Variants in PAX6 observed in about 807,000 individuals in gnomAD.
PAX6 encodes paired box 6, also known as paired box protein Pax-6.
PAX6 carries 7 observed loss-of-function variants against 60.7 expected under a neutral mutation model. The ratio of observed to expected loss-of-function variants is 0.12; its 90% confidence interval spans 0.07 to 0.22. The LOEUF (loss-of-function observed/expected upper bound fraction) is 0.22, where lower values mean the gene tolerates loss of function less well. Ranked by LOEUF, PAX6 falls within the 10% of genes least tolerant of loss-of-function variation. PAX6 has a pLI of 1.00. For missense variants in PAX6, 355 were observed against 555.2 expected (o/e 0.64, Z 3.62); for synonymous variants, 208 against 201.2 (o/e 1.03, Z -0.29).
intron 10 of PAX6, 87 bp downstream of exon 10, chr11:31,793,945 A>G (rs747016220): frequency 8.0e-6 from 10 of 1,250,014 alleles, no homozygotes; most frequent in Non-Finnish European, 1.2e-5. Context: ...TCCTATAAAT[A>G]AATAGTACTC....
intron 8 of PAX6, 27 bp downstream of exon 8, chr11:31,800,664 C>G (rs1953436151): frequency 6.2e-7 from 1 of 1,613,454 alleles, no homozygotes; most frequent in East Asian, 2.2e-5. Flanking sequence ...ATATGGAGAG[C>G]TGCGTGGATG....
In PAX6 at chr11:31,811,034, T is replaced by C; in HGVS notation, c.-316-19A>G. ...CAGATTCCTGGGAAGGAGACAGAGATTGACAATAAAATGGGCTGTCAGCGG... is the reference window on the plus strand; with the variant it reads ...CAGATTCCTGGGAAGGAGACAGAGACTGACAATAAAATGGGCTGTCAGCGG... On this transcript the variant is annotated intron_variant, in intron 1 of 13. Transcript: ENST00000640368. The C allele has an allele frequency of 5.0e-6, 2 of 399,276 alleles. No homozygotes were observed. The highest frequency in any genetic ancestry group is 8.8e-6 in the Non-Finnish European group (2 of 226,164). 24.7% of individuals were successfully genotyped at this position (399,276 alleles called of 1,614,324 possible). A position where few individuals can be genotyped will look rare whatever the true frequency, so the allele number is the denominator to read the frequency against.
intron 7 of PAX6, 100 bp downstream of exon 7, chr11:31,801,461 A>G: frequency 6.3e-7 from 1 of 1,595,224 alleles, no homozygotes; most frequent in South Asian, 1.1e-5. Context: ...CAGGGAGAGG[A>G]CACAGACTAA....
At chr11:31,808,501 T>G (rs1289738569) in intron 2 of PAX6, 1 of 152,238 alleles carries the variant, frequency 6.6e-6, no homozygotes, top group African/African-American at 2.4e-5. Context: ...ACCCTGAAGC[T>G]GCAAAGGAGT....
chr11:31,801,146 C>T lies in PAX6; in HGVS notation c.400-290G>A, dbSNP rs542640871. ...TGCTTTGCTTTGTTAAAAGACTGCC[C>T]GAAAATAAAAACTATTTAGACTTGT... On this transcript the variant is annotated intron_variant, in intron 7 of 13. Transcript: ENST00000640368. 2.3e-5 allele frequency: 25 copies of T among 1,084,350 alleles called. 1 individual carries two copies. The East Asian group carries it at 5.5e-4, about 24-fold the overall frequency. The allele number at this position is 1,084,350 out of a possible 1,614,324, so 67.2% of individuals were successfully genotyped here. A position where few individuals can be genotyped will look rare whatever the true frequency, so the allele number is the denominator to read the frequency against.
At position 31,790,119 on chromosome 11, in the gene PAX6, A is replaced by AAAC. The variant is rs1554982404; in HGVS notation, c.1226-101_1226-100insGTT. The AAAC allele has an allele frequency of 8.3e-5, 64 of 771,952 alleles. No individual in the cohort carries two copies. The African/African-American group carries it at 1.0e-3, about 12-fold the overall frequency. The allele number at this position is 771,952 out of a possible 1,614,324, so 47.8% of individuals were successfully genotyped here. A position where few individuals can be genotyped will look rare whatever the true frequency, so the allele number is the denominator to read the frequency against. On this transcript the variant is annotated intron_variant, in intron 13 of 13. Transcript: ENST00000640368. Reference sequence around the variant, plus strand: ...TTACAAAAAAAAAAAAAAAAAAAAAAACTAATACTTTCTAACATTTTTTAC... The same window carrying AAAC: ...TTACAAAAAAAAAAAAAAAAAAAAAAAACACTAATACTTTCTAACATTTTTTAC...
In PAX6 at chr11:31,790,725, C is replaced by T. The variant is rs1434265399; in HGVS notation, c.1210G>A (p.Gly404Ser). Residue 404 changes from glycine to serine, a missense_variant, in exon 13 of 14, where the codon GGC becomes AGC. By Grantham distance (56) the Gly-to-Ser change is moderately conservative (BLOSUM62 0). Around this residue, in one of 5 missense-constraint regions of PAX6, gnomAD observed 149 missense variants for 191.9 expected, o/e 0.78. Coordinates refer to ENST00000640368, the MANE Select transcript of PAX6 (RefSeq NM_001368894.2). ...AGTGGCTCACCTGTTGAAGTGGTGCCCGAGGTGCCCATTGGCTGACTGTTC... is the reference window on the plus strand; with the variant it reads ...AGTGGCTCACCTGTTGAAGTGGTGCTCGAGGTGCCCATTGGCTGACTGTTC... ...HMNSQPMGTS[G>S]TTSTGLISPG... 1 of 1,613,972 alleles carries T rather than the reference C, an allele frequency of 6.2e-7. No homozygotes were observed. The highest frequency in any genetic ancestry group is 8.5e-7 in the Non-Finnish European group (1 of 1,179,998).
At chr11:31,792,544 C>A (rs1950255998) in intron 12 of PAX6, 1 of 152,554 alleles carries the variant, frequency 6.6e-6, no homozygotes, top group Admixed American at 6.5e-5. Context: ...ATCGTACCAT[C>A]TAATATCTCT....
intron 1 of PAX6, among the ~76,000 whole-genome samples, chr11:31,816,919 A>C (rs531593169): frequency 1.3e-5 from 2 of 152,344 alleles, no homozygotes; most frequent in South Asian, 4.1e-4. Flanking sequence ...AGCTGCTTTT[A>C]GGGCCGGGCT....
chr11:31,796,049 G>T (rs185870535), intron 8 of PAX6, among the ~76,000 whole-genome samples: 2 of 152,374 alleles, frequency 1.3e-5, no homozygotes, highest in African/African-American at 4.8e-5. Context: ...AATTGTGACA[G>T]GATCTAGTGG....
At chr11:31,816,703 G>GA in intron 1 of PAX6, 3 of 534,358 alleles carry the variant, frequency 5.6e-6, no homozygotes, top group Non-Finnish European at 9.7e-6. Context: ...TGAGCAGGGG[G>GA]CGCCACCGCT....
At chr11:31,812,302 CTG>C (rs61627052), upstream of PAX6, 491 of 86,224 alleles carry the variant, frequency 5.7e-3, 6 homozygotes, top group African/African-American at 0.021. Flanking sequence ...CTCTCTCTCT[CTG>C]TGTGTGTGTG....
upstream of PAX6, chr11:31,813,280 G>C (rs1957212990): frequency 6.6e-6 from 1 of 151,478 alleles, no homozygotes; most frequent in Admixed American, 6.6e-5. Flanking sequence ...CCAGACCAGC[G>C]AAAGTCGGCT....
intron 2 of PAX6, chr11:31,807,467 A>T (rs994871538): frequency 3.3e-5 from 5 of 152,238 alleles, no homozygotes; most frequent in African/African-American, 1.2e-4. Context: ...TCCCTACACC[A>T]AAAAAACTTC....
In PAX6 at chr11:31,810,883, T is replaced by TGG; in HGVS notation, c.-186_-185dup. The stretch of plus-strand genomic sequence containing the variant: ...GCTTCTGTCAAGAGTTTTGTTTGGT[T>TGG]GGGGTTTTTTGTGCTGCTGTTGTTG... On this transcript the variant is annotated 5_prime_UTR_variant, in exon 2 of 14. Transcript: ENST00000640368. 2.5e-6 allele frequency: 1 copy of TGG among 399,154 alleles called. No homozygotes were observed. The allele number at this position is 399,154 out of a possible 1,614,324, so 24.7% of individuals were successfully genotyped here. A position where few individuals can be genotyped will look rare whatever the true frequency, so the allele number is the denominator to read the frequency against.
chr11:31,801,107 C>A, intron 7 of PAX6: 1 of 790,880 alleles, frequency 1.3e-6, no homozygotes, highest in Non-Finnish European at 1.9e-6. Flanking sequence ...CTCTGGTGAC[C>A]TAACTCACAC....
upstream of PAX6, chr11:31,814,144 C>G (rs1178207240): frequency 1.3e-5 from 2 of 152,158 alleles, no homozygotes; most frequent in African/African-American, 4.8e-5. Context: ...TACCCTCCGC[C>G]CCCTGTGGCC....
At chr11:31,803,297 C>A in intron 4 of PAX6, 1 of 213,368 alleles carries the variant, frequency 4.7e-6, no homozygotes, top group South Asian at 8.0e-5. Context: ...CTCTATAAAT[C>A]TCCCAAAGAT....
Position 31,794,016 on chromosome 11 carries a change from C to A in PAX6, c.807+16G>T. The A allele has an allele frequency of 6.4e-7, 1 of 1,563,220 alleles. No individual in the cohort carries two copies. The highest frequency in any genetic ancestry group is 8.8e-7 in the Non-Finnish European group (1 of 1,133,570). ...GTATGAATCACAAAGTGTGAAACTGCACAGTCTCTCGGTACCTGTATTCTT... is the reference window on the plus strand; with the variant it reads ...GTATGAATCACAAAGTGTGAAACTGAACAGTCTCTCGGTACCTGTATTCTT... On this transcript the variant is annotated intron_variant, in intron 10 of 13. Coordinates refer to ENST00000640368, the MANE Select transcript of PAX6 (RefSeq NM_001368894.2).
Sources: allele counts gnomAD v4.1 joint callset (sites outside exome capture counted in the v4.1 genomes callset), GRCh38; gene constraint gnomAD v4.1.1; regional missense constraint gnomAD v4.1.1; transcripts MANE v1.5; gene names NCBI Gene and HGNC (gene_info 2026-07-23, HGNC 2026-07-21).